MTUS2: variants seen among roughly 807,000 people sequenced by gnomAD.
MTUS2 encodes microtubule-associated tumor suppressor candidate 2.
In MTUS2, 40 loss-of-function variants were observed where a neutral mutation model predicts 114.1. The observed-to-expected ratio is 0.35, with a 90% CI of 0.27 to 0.46. The LOEUF (loss-of-function observed/expected upper bound fraction) is 0.46, where lower values mean the gene tolerates loss of function less well. Ranked by LOEUF, MTUS2 falls within the 20% of genes least tolerant of loss-of-function variation. MTUS2 has a pLI of 1.00. For missense variants in MTUS2, 1,679 were observed against 1,705.4 expected, an observed-to-expected ratio of 0.98 and a Z score of 0.27; for synonymous variants, 688 against 672.0, an observed-to-expected ratio of 1.02 and a Z score of -0.37.
chr13:28,971,726 G>A (rs967158999), intron 2 of MTUS2, among the ~76,000 whole-genome samples: 5 of 152,140 alleles, frequency 3.3e-5, no homozygotes, highest in South Asian at 2.1e-4. Flanking sequence ...ACTTGAGCTC[G>A]TTTACTTCTC....
intron 5 of MTUS2, among the ~76,000 whole-genome samples, chr13:29,198,871 C>T (rs1009887984): frequency 6.6e-6 from 1 of 151,958 alleles, no homozygotes; most frequent in Non-Finnish European, 1.5e-5. Flanking sequence ...CTCTGTTTGT[C>T]TATTATTGAT....
chr13:29,230,165 G>A (rs7997471), intron 5 of MTUS2, among the ~76,000 whole-genome samples: 86,560 of 152,058 alleles, frequency 0.57, 24,898 homozygotes, highest in Non-Finnish European at 0.59. Context: ...AGAATGGAGT[G>A]AACCCAGGAG....
intron 5 of MTUS2, among the ~76,000 whole-genome samples, chr13:29,280,763 G>C (rs535033219): frequency 6.6e-6 from 1 of 152,200 alleles, no homozygotes; most frequent in South Asian, 2.1e-4. Flanking sequence ...GTGCATTCAG[G>C]CTCTCTGAAT....
chr13:29,470,267 A>G (rs145129200), intron 9 of MTUS2, among the ~76,000 whole-genome samples: 283 of 152,306 alleles, frequency 1.9e-3, no homozygotes, highest in African/African-American at 6.6e-3. Flanking sequence ...ATCACTAATC[A>G]TGAAAGGCTT....
At chr13:28,996,640 T>G (rs1271111799) in intron 2 of MTUS2, among the ~76,000 whole-genome samples, 2 of 152,214 alleles carry the variant, frequency 1.3e-5, no homozygotes, top group Non-Finnish European at 2.9e-5. Flanking sequence ...GGTGTATGTG[T>G]CAAGGAATTT....
chr13:29,324,182 G>A (rs889175502), intron 6 of MTUS2, among the ~76,000 whole-genome samples: 9 of 152,196 alleles, frequency 5.9e-5, no homozygotes, highest in East Asian at 1.9e-4. Context: ...GCTTGGCTCC[G>A]GGTAATGCCG....
At chr13:28,947,223 A>T (rs910277383) in intron 2 of MTUS2, among the ~76,000 whole-genome samples, 1 of 152,144 alleles carries the variant, frequency 6.6e-6, no homozygotes, top group African/African-American at 2.4e-5. Context: ...GCTGTTAAGA[A>T]CTGCAGCTGA....
At chr13:29,088,094 C>A (rs1184355717) in intron 4 of MTUS2, among the ~76,000 whole-genome samples, 4 of 136,884 alleles carry the variant, frequency 2.9e-5, no homozygotes, top group Non-Finnish European at 6.4e-5. Context: ...AATTTTCTAA[C>A]TTTCTGGTGT....
chr13:29,034,087 T>C lies in MTUS2; in HGVS notation c.2408T>C (p.Ile803Thr). The C allele has an allele frequency of 6.2e-7, 1 of 1,613,966 alleles. No homozygotes were observed. The highest frequency in any genetic ancestry group is 8.5e-7 in the Non-Finnish European group (1 of 1,179,886). The change falls in exon 4 of 16, where the codon ATA becomes ACA. Residue 803 changes from isoleucine to threonine, a missense_variant. Transcript: ENST00000612955. ...AGCGCCATCCACCCACCAGGACCCA[T>C]AACAACAGCCACCAGTCTCTACAGT... ...SASAIHPPGPITTATSLYSSD... is the reference protein window; with the variant it reads ...SASAIHPPGPTTTATSLYSSD...
intron 5 of MTUS2, among the ~76,000 whole-genome samples, chr13:29,180,759 G>A (rs921950428): frequency 2.0e-5 from 3 of 152,202 alleles, no homozygotes; most frequent in Non-Finnish European, 2.9e-5. Context: ...TTGGTTGCAT[G>A]CTTATGGGAT....
intron 9 of MTUS2, among the ~76,000 whole-genome samples, chr13:29,448,427 A>G (rs1307744419): frequency 6.6e-6 from 1 of 152,208 alleles, no homozygotes; most frequent in African/African-American, 2.4e-5. Context: ...TGCTGGCTTC[A>G]TTGGCCAGAA....
At chr13:29,065,619 CTGT>C (rs1331117710) in intron 4 of MTUS2, among the ~76,000 whole-genome samples, 2 of 152,120 alleles carry the variant, frequency 1.3e-5, no homozygotes, top group African/African-American at 4.8e-5. Flanking sequence ...AGTCTGTTGT[CTGT>C]TAACTCTGTT....
chr13:29,379,346 C>T (rs1223072547), intron 8 of MTUS2, among the ~76,000 whole-genome samples: 1 of 152,164 alleles, frequency 6.6e-6, no homozygotes, highest in Non-Finnish European at 1.5e-5. Flanking sequence ...GAGAGCTATG[C>T]TGGTACCATC....
At chr13:29,389,321 A>ATATGTGTG (rs1872895713) in intron 8 of MTUS2, among the ~76,000 whole-genome samples, 3 of 54,758 alleles carry the variant, frequency 5.5e-5, no homozygotes, top group Non-Finnish European at 1.5e-4. Flanking sequence ...ATGTATACAC[A>ATATGTGTG]TATGTGTGTA....
chr13:29,184,869 TAAAG>T (rs1894157278), intron 5 of MTUS2, among the ~76,000 whole-genome samples: 1 of 151,804 alleles, frequency 6.6e-6, no homozygotes. Context: ...CATGCAAAAA[TAAAG>T]AAAGTGTGGC....
chr13:29,138,383 A>G (rs1033219764), intron 5 of MTUS2, among the ~76,000 whole-genome samples: 4 of 151,344 alleles, frequency 2.6e-5, no homozygotes, highest in Admixed American at 2.0e-4. Flanking sequence ...CTACTTTGCC[A>G]TCTTCTCAGA....
intron 4 of MTUS2, among the ~76,000 whole-genome samples, chr13:29,077,998 A>C (rs1889273001): frequency 6.6e-6 from 1 of 152,212 alleles, no homozygotes. Context: ...CAAAGGATTT[A>C]TCTTTTAAAA....
At chr13:29,117,127 G>T (rs562928906) in intron 5 of MTUS2, among the ~76,000 whole-genome samples, 6 of 152,262 alleles carry the variant, frequency 3.9e-5, no homozygotes, top group African/African-American at 1.4e-4. Context: ...TGAGTACTTG[G>T]TTCTCTCTTT....
rs193136264 is a variant in MTUS2 at position 28,866,445 on chromosome 13, G to C, written c.-243+26595G>C. 1.3e-4 allele frequency among the ~76,000 whole-genome samples: 20 copies of C among 152,278 alleles called. No homozygotes were observed. The East Asian group carries it at 2.7e-3, about 21-fold the overall frequency. ...AGCTGTGTGCCGCCTCGAGCTTCTT[G>C]TTGTGTGGTCTTTGTGCTTTTTATT... is the stretch of plus-strand genomic sequence containing the variant. On this transcript the variant is annotated intron_variant, in intron 2 of 15. Transcript: ENST00000612955.
Sources: gnomAD v4.1 joint callset for allele counts (sites outside exome capture counted in the v4.1 genomes callset) on GRCh38, gnomAD v4.1.1 for gene constraint, MANE v1.5 for transcripts, NCBI Gene and HGNC (gene_info 2026-07-23, HGNC 2026-07-21) for gene names.